NDRG1: variants seen among roughly 807,000 people sequenced by gnomAD.
NDRG1 encodes the protein N-myc downstream regulated 1, also known as protein NDRG1.
A neutral mutation model predicts 56.9 loss-of-function variants in NDRG1; 32 were observed. That is an observed-to-expected ratio of 0.56 (90% confidence interval 0.42 to 0.76). The LOEUF (loss-of-function observed/expected upper bound fraction) is 0.76, where lower values mean the gene tolerates loss of function less well. Among genes scored for constraint, NDRG1 ranks in the 30% least tolerant of loss-of-function variants. The probability of loss-of-function intolerance (pLI) is 0.00; values close to 1 mark genes in which losing one functional copy is unlikely to be tolerated. For missense variants in NDRG1, 507 were observed against 545.7 expected (o/e 0.93, Z 0.71); for synonymous variants, 211 against 204.1 (o/e 1.03, Z -0.29).
intron 1 of NDRG1, chr8:133,296,449 G>T: frequency 2.2e-6 from 1 of 455,356 alleles, no homozygotes; most frequent in South Asian, 1.6e-5. Context: ...TCCGGCTCGC[G>T]TGTTGCACTG....
chr8:133,277,100 CA>C (rs1163346082), intron 3 of NDRG1, among the ~76,000 whole-genome samples: 4 of 152,176 alleles, frequency 2.6e-5, no homozygotes, highest in African/African-American at 9.7e-5. Flanking sequence ...CAAATCAATG[CA>C]AATTAATACA....
At chr8:133,266,935 A>T (rs1233198348) in intron 3 of NDRG1, among the ~76,000 whole-genome samples, 1 of 152,140 alleles carries the variant, frequency 6.6e-6, no homozygotes, top group Non-Finnish European at 1.5e-5. Context: ...TCTCAACCTG[A>T]GGAACAAGTT....
chr8:133,271,717 T>C lies in NDRG1; in HGVS notation c.100-7065A>G, dbSNP rs537243952. ...ATCACTTGAGCCCAGGAGGTCACAG[T>C]TGCAGTGAGCCGAGATCACACTACT... On this transcript the variant is annotated intron_variant, in intron 3 of 15. Coordinates refer to ENST00000323851, the MANE Select transcript of NDRG1 (RefSeq NM_006096.4). Among the ~76,000 whole-genome samples, 3 of 136,142 alleles carry C rather than the reference T, an allele frequency of 2.2e-5. No homozygotes were observed. The East Asian group carries it at 6.4e-4, about 29-fold the overall frequency. The allele number at this position is 136,142 out of a possible 152,430, so 89.3% of individuals were successfully genotyped here.
intron 6 of NDRG1, 142 bp downstream of exon 6, chr8:133,259,024 CAG>C: frequency 1.2e-6 from 1 of 827,894 alleles, no homozygotes; most frequent in African/African-American, 1.7e-5. Flanking sequence ...ACAGTGTTCA[CAG>C]AGTGACGAGC....
chr8:133,256,483 A>C (rs1266565288), intron 8 of NDRG1, among the ~76,000 whole-genome samples: 2 of 152,222 alleles, frequency 1.3e-5, no homozygotes, highest in Non-Finnish European at 2.9e-5. Flanking sequence ...TTATGTACCC[A>C]GCTAATACTC....
In NDRG1 at chr8:133,238,387, C is replaced by T; in HGVS notation, c.*491G>A. 1 of 240,938 alleles carries T rather than the reference C, an allele frequency of 4.2e-6. No individual in the cohort carries two copies. The highest frequency in any genetic ancestry group is 8.1e-6 in the Non-Finnish European group (1 of 123,348). The allele number at this position is 240,938 out of a possible 1,614,324, so 14.9% of individuals were successfully genotyped here. On this transcript the variant is annotated 3_prime_UTR_variant, in exon 16 of 16. Transcript: ENST00000323851. ...TGTTTTGCCTGTTTAAAAGAGGTGC[C>T]TGCATGTCACTATTACCCCCCTCCC...
chr8:133,290,323 A>G (rs1345824597), intron 1 of NDRG1, among the ~76,000 whole-genome samples: 3 of 152,184 alleles, frequency 2.0e-5, no homozygotes, highest in African/African-American at 7.2e-5. Context: ...CTACACAGAC[A>G]CACCACAAAA....
chr8:133,239,310 C>T (rs868160030), intron 15 of NDRG1, 191 bp from the exon 16 acceptor site: 19 of 896,628 alleles, frequency 2.1e-5, no homozygotes, highest in African/African-American at 1.0e-4. Flanking sequence ...GGCCCAGATG[C>T]GGGAAGGAAC....
chr8:133,241,315 C>T (rs1855369767), intron 15 of NDRG1: 2 of 155,820 alleles, frequency 1.3e-5, no homozygotes, highest in South Asian at 3.9e-4. Context: ...AGTCCTGGGA[C>T]AGCACTTCTG....
rs748782766 is a variant in NDRG1, at chr8:133,256,826, A to G, written c.488T>C (p.Ile163Thr). 2.1e-5 allele frequency: 34 copies of G among 1,614,092 alleles called. No homozygotes were observed. The highest frequency in any genetic ancestry group is 1.6e-4 in the Middle Eastern group (1 of 6,084). Reference sequence around the variant, plus strand: ...GCCTTCCGCACAAGGGTTCACGTTGATAAGGACAAGGCCCTCCACCATCTC... The same window carrying G: ...GCCTTCCGCACAAGGGTTCACGTTGGTAAGGACAAGGCCCTCCACCATCTC... ...NPEMVEGLVL[I>T]NVNPCAEGWM... The change falls in exon 8 of 16, where the codon ATC becomes ACC. Residue 163 changes from isoleucine (I) to threonine (T), a missense_variant. Physicochemically the swap from Ile to Thr is moderately conservative, Grantham distance 89. Coordinates refer to ENST00000323851, the MANE Select transcript of NDRG1 (RefSeq NM_006096.4).
intron 3 of NDRG1, among the ~76,000 whole-genome samples, chr8:133,265,399 G>T (rs1174747687): frequency 1.3e-5 from 2 of 152,200 alleles, no homozygotes; most frequent in Admixed American, 1.3e-4. Context: ...CCCAGGGATG[G>T]AAAAGAGTGA....
intron 15 of NDRG1, chr8:133,241,521 C>T (rs1261396239): frequency 5.1e-6 from 1 of 196,404 alleles, no homozygotes; most frequent in East Asian, 1.2e-4. Flanking sequence ...CACAGATCCG[C>T]CCTCTGCTCC....
Position 133,250,524 on chromosome 8 carries a change from A to G in NDRG1, c.614T>C (p.Val205Ala), listed in dbSNP as rs1318551173. 1 of 1,614,002 alleles carries G rather than the reference A, an allele frequency of 6.2e-7. No homozygotes were observed. The highest frequency in any genetic ancestry group is 8.5e-7 in the Non-Finnish European group (1 of 1,179,982). The change falls in exon 10 of 16, where the codon GTG (valine) becomes GCG (alanine). Residue 205 changes from valine (V) to alanine (A), a missense_variant. Physicochemically the swap from Val to Ala is moderately conservative, Grantham distance 64. Transcript: ENST00000323851. ...LFGKEEMQSN[V>A]EVVHTYRQHI... Reference sequence around the variant, plus strand: ...CTGGCGGTAGGTGTGGACCACTTCCACGTTACTCTGCATTTCTTCCTGCAT... The same window carrying G: ...CTGGCGGTAGGTGTGGACCACTTCCGCGTTACTCTGCATTTCTTCCTGCAT...
chr8:133,238,630 C>G lies in NDRG1; in HGVS notation c.*248G>C, dbSNP rs533874540. On this transcript the variant is annotated 3_prime_UTR_variant, in exon 16 of 16. Coordinates refer to ENST00000323851, the MANE Select transcript of NDRG1 (RefSeq NM_006096.4). ...AGGGGAGGAGAGTGGCAACCGGCCACTGGTTAATGGAAGAGGATGCGATGC... is the reference window on the plus strand; with the variant it reads ...AGGGGAGGAGAGTGGCAACCGGCCAGTGGTTAATGGAAGAGGATGCGATGC... 1 of 568,860 alleles carries G rather than the reference C, an allele frequency of 1.8e-6. No individual in the cohort carries two copies. Among genetic ancestry groups the G allele is most frequent in the Non-Finnish European group, 3.1e-6 (1 of 323,196 alleles). The allele number at this position is 568,860 out of a possible 1,614,324, so 35.2% of individuals were successfully genotyped here. A position where few individuals can be genotyped will look rare whatever the true frequency, so the allele number is the denominator to read the frequency against.
intron 1 of NDRG1, among the ~76,000 whole-genome samples, chr8:133,295,111 CCAAA>C (rs1277402719): frequency 5.3e-5 from 8 of 152,156 alleles, no homozygotes; most frequent in Non-Finnish European, 8.8e-5. Flanking sequence ...CACAAGAGAC[CCAAA>C]CAGACACTCC....
At chr8:133,243,955 C>CAT (rs1855523802) in intron 14 of NDRG1, among the ~76,000 whole-genome samples, 1 of 151,902 alleles carries the variant, frequency 6.6e-6, no homozygotes, top group African/African-American at 2.4e-5. Flanking sequence ...CACACACAGA[C>CAT]GTGTACACAT....
At chr8:133,280,096 G>A in intron 3 of NDRG1, 136 bp downstream of exon 3, 1 of 998,016 alleles carries the variant, frequency 1.0e-6, no homozygotes, top group Non-Finnish European at 1.5e-6. Flanking sequence ...TGAGGGTGAG[G>A]ACCTAGCTGA....
intron 3 of NDRG1, among the ~76,000 whole-genome samples, chr8:133,278,331 C>T (rs937106813): frequency 6.6e-6 from 1 of 152,124 alleles, no homozygotes; most frequent in Non-Finnish European, 1.5e-5. Flanking sequence ...TCTTAGCTGC[C>T]CCACCATGCC....
chr8:133,258,959 A>C (rs1856525209), intron 6 of NDRG1: 1 of 635,192 alleles, frequency 1.6e-6, no homozygotes, highest in African/African-American at 1.8e-5. Context: ...ACATTCACGC[A>C]AGAGGAAAAC....
Sources: gnomAD v4.1 joint callset for allele counts (sites outside exome capture counted in the v4.1 genomes callset) on GRCh38, gnomAD v4.1.1 for gene constraint, MANE v1.5 for transcripts, NCBI Gene and HGNC (gene_info 2026-07-23, HGNC 2026-07-21) for gene names.